Variants in CCDC7 observed in about 807,000 individuals in gnomAD.
CCDC7 encodes coiled-coil domain-containing protein 7.
In CCDC7, 183 loss-of-function variants were observed where a neutral mutation model predicts 196.9. The ratio of observed to expected loss-of-function variants is 0.93; its 90% CI spans 0.82 to 1.05. The LOEUF (loss-of-function observed/expected upper bound fraction) is 1.05, where lower values mean the gene tolerates loss of function less well. CCDC7 is among the 50% of genes least tolerant of loss of function. The pLI, the probability that CCDC7 is intolerant of heterozygous loss-of-function variation, is 0.00. For missense variants in CCDC7, 1,540 were observed against 1,482.2 expected, an observed-to-expected ratio of 1.04 and a Z score of -0.64; for synonymous variants, 525 against 484.6, an observed-to-expected ratio of 1.08 and a Z score of -1.10.
intron 41 of CCDC7, among the ~76,000 whole-genome samples, chr10:32,861,597 GC>G (rs1008722126): frequency 2.0e-5 from 3 of 152,180 alleles, no homozygotes; most frequent in Admixed American, 6.5e-5. Context: ...TAGAGCTTCT[GC>G]ACAGCAAAAG....
chr10:32,564,264 C>T (rs1157939303), intron 13 of CCDC7, among the ~76,000 whole-genome samples: 2 of 152,146 alleles, frequency 1.3e-5, no homozygotes, highest in Non-Finnish European at 1.5e-5. Context: ...GGATCTAGAA[C>T]TAGAAATACC....
At chr10:32,854,316 A>G (rs2093670767) in intron 40 of CCDC7, 84 bp from the exon 42 acceptor site, 1 of 811,242 alleles carries the variant, frequency 1.2e-6, no homozygotes. Flanking sequence ...GTGTTTTAGA[A>G]TACTAAGATT....
chr10:32,711,554 T>C, intron 24 of CCDC7, 66 bp from the exon 26 acceptor site: 1 of 960,642 alleles, frequency 1.0e-6, no homozygotes, highest in Non-Finnish European at 1.6e-6. Context: ...GTTATAAATT[T>C]GAACTCTAGG....
chr10:32,492,137 G>A (rs2042253768), intron 9 of CCDC7, 140 bp downstream of exon 10: 3 of 777,850 alleles, frequency 3.9e-6, no homozygotes, highest in Non-Finnish European at 5.3e-6. Flanking sequence ...ACATAAAGAA[G>A]AAAATAACAC....
chr10:32,719,324 G>A (rs1013874275), intron 25 of CCDC7, among the ~76,000 whole-genome samples: 1 of 152,170 alleles, frequency 6.6e-6, no homozygotes, highest in East Asian at 1.9e-4. Flanking sequence ...CTAGCCATAT[G>A]TAGAAAACTG....
intron 20 of CCDC7, among the ~76,000 whole-genome samples, chr10:32,637,246 T>C (rs1302535217): frequency 6.6e-6 from 1 of 152,228 alleles, no homozygotes; most frequent in African/African-American, 2.4e-5. Flanking sequence ...AGATCCTATT[T>C]GTCAATTTTG....
chr10:32,576,991 G>T (rs1378104785), intron 16 of CCDC7, among the ~76,000 whole-genome samples: 1 of 152,032 alleles, frequency 6.6e-6, no homozygotes, highest in Non-Finnish European at 1.5e-5. Flanking sequence ...TATAAACATA[G>T]AATATAAGAA....
intron 28 of CCDC7, among the ~76,000 whole-genome samples, chr10:32,742,776 C>T (rs549788149): frequency 1.3e-5 from 2 of 152,292 alleles, no homozygotes; most frequent in Admixed American, 1.3e-4. Context: ...TTCATGTAGT[C>T]TTTCTTTTAA....
At chr10:32,518,993 AC>A (rs1372753453) in intron 11 of CCDC7, among the ~76,000 whole-genome samples, 3 of 152,266 alleles carry the variant, frequency 2.0e-5, no homozygotes, top group African/African-American at 7.2e-5. Context: ...TTAGAAGTGA[AC>A]TTTTATTAAC....
intron 21 of CCDC7, among the ~76,000 whole-genome samples, chr10:32,677,180 A>T (rs988775783): frequency 7.6e-6 from 1 of 131,742 alleles, no homozygotes; most frequent in Non-Finnish European, 1.6e-5. Context: ...ACACATGGAC[A>T]CAGGAAGGGG....
chr10:32,513,166 TTAG>T (rs1454417407), intron 9 of CCDC7: 1 of 152,158 alleles, frequency 6.6e-6, no homozygotes, highest in Non-Finnish European at 1.5e-5. Context: ...CCTGTTTTTG[TTAG>T]TAGGAGTATG....
At chr10:32,544,071 A>C (rs2051989425) in intron 12 of CCDC7, among the ~76,000 whole-genome samples, 176 bp from the exon 14 acceptor site, 1 of 152,040 alleles carries the variant, frequency 6.6e-6, no homozygotes, top group Non-Finnish European at 1.5e-5. Flanking sequence ...TAGTTTGAGA[A>C]ATGTTATTCA....
At chr10:32,828,428 A>AAGAAG (rs2091483887) in intron 32 of CCDC7, among the ~76,000 whole-genome samples, 1 of 111,780 alleles carries the variant, frequency 8.9e-6, no homozygotes, top group Non-Finnish European at 2.0e-5. Context: ...GAAGAAGAAG[A>AAGAAG]AGGAAGGAAG....
At chr10:32,772,628 G>T (rs1322650881) in intron 28 of CCDC7, among the ~76,000 whole-genome samples, 3 of 152,218 alleles carry the variant, frequency 2.0e-5, no homozygotes, top group Non-Finnish European at 2.9e-5. Context: ...CTTTTTGACT[G>T]TCGTCTGCAG....
At chr10:32,516,249 A>G (rs1317336293) in intron 9 of CCDC7, among the ~76,000 whole-genome samples, 1 of 152,172 alleles carries the variant, frequency 6.6e-6, no homozygotes, top group East Asian at 1.9e-4. Flanking sequence ...ATGCCCAATA[A>G]GCACATGAAA....
At chr10:32,531,149 G>C (rs897532827) in intron 11 of CCDC7, among the ~76,000 whole-genome samples, 2 of 151,976 alleles carry the variant, frequency 1.3e-5, no homozygotes, top group Non-Finnish European at 2.9e-5. Flanking sequence ...TTGAGACAGA[G>C]TCTCATTCTG....
rs2081189540 is a variant in CCDC7, at chr10:32,713,760, C to T, written c.2569+2030C>T. On this transcript the variant is annotated intron_variant, in intron 25 of 41. Transcript: ENST00000639629. ...CTAGAAGGCCATTGCCTGGATTGAG[C>T]AGCAGAGGGCACATGATTGCCATTT... Among the ~76,000 whole-genome samples, 3 of 152,280 alleles carry T rather than the reference C, an allele frequency of 2.0e-5. No homozygotes were observed. In the South Asian group the frequency reaches 6.2e-4, roughly 32 times the overall value.
upstream of CCDC7, among the ~76,000 whole-genome samples, chr10:32,447,758 C>T (rs1321938920): frequency 1.3e-5 from 2 of 151,916 alleles, no homozygotes; most frequent in East Asian, 1.9e-4. Context: ...AAAAATTAGC[C>T]GGACGTGGCA....
At chr10:32,775,695 C>A (rs1486134814) in intron 28 of CCDC7, among the ~76,000 whole-genome samples, 2 of 152,106 alleles carry the variant, frequency 1.3e-5, no homozygotes, top group Non-Finnish European at 2.9e-5. Flanking sequence ...TAGAATTAAT[C>A]CCTTTCTAAA....
Sources: gnomAD v4.1 joint callset for allele counts (sites outside exome capture counted in the v4.1 genomes callset) on GRCh38, gnomAD v4.1.1 for gene constraint, MANE v1.5 for transcripts, NCBI Gene and HGNC (gene_info 2026-07-23, HGNC 2026-07-21) for gene names.